NRG1: variants seen among roughly 807,000 people sequenced by gnomAD.
NRG1 encodes neuregulin 1.
NRG1 carries 18 observed loss-of-function variants against 63.8 expected under a neutral mutation model. The observed-to-expected ratio is 0.28, with a 90% CI of 0.19 to 0.42. The LOEUF (loss-of-function observed/expected upper bound fraction) is 0.42, where lower values mean the gene tolerates loss of function less well. NRG1 is among the 10% of genes least tolerant of loss of function. The pLI is 1.00. For missense variants in NRG1, 762 were observed against 814.7 expected (o/e 0.94, Z 0.79); for synonymous variants, 302 against 301.3 (o/e 1.00, Z -0.02).
intron 1 of NRG1, among the ~76,000 whole-genome samples, chr8:32,174,086 G>A (rs910274439): frequency 6.6e-6 from 1 of 152,068 alleles, no homozygotes; most frequent in Non-Finnish European, 1.5e-5. Flanking sequence ...CCACATAGTT[G>A]GAAGTAAAGC....
intron 1 of NRG1, among the ~76,000 whole-genome samples, chr8:31,784,590 C>T (rs1503491): frequency 0.23 from 35,092 of 152,082 alleles, 4,981 homozygotes; most frequent in East Asian, 0.66. Context: ...AAAACAATAA[C>T]GTAACAACAG....
chr8:31,931,846 G>C (rs1834891298), intron 1 of NRG1, among the ~76,000 whole-genome samples: 1 of 152,222 alleles, frequency 6.6e-6, no homozygotes, highest in East Asian at 1.9e-4. Context: ...AACAGCTGCG[G>C]TTCTTGCTGT....
chr8:32,066,580 G>A (rs1824858753), intron 1 of NRG1, among the ~76,000 whole-genome samples: 1 of 152,008 alleles, frequency 6.6e-6, no homozygotes, highest in South Asian at 2.1e-4. Context: ...ATGCTGTTTT[G>A]GTTACTGTAG....
intron 1 of NRG1, among the ~76,000 whole-genome samples, chr8:32,577,122 T>C (rs550692925): frequency 1.6e-4 from 25 of 152,330 alleles, no homozygotes; most frequent in African/African-American, 5.8e-4. Flanking sequence ...GGCCTCCAGC[T>C]GCATCCCTGT....
intron 1 of NRG1, among the ~76,000 whole-genome samples, chr8:32,276,174 A>G (rs62497578): frequency 0.2 from 30,726 of 151,998 alleles, 3,810 homozygotes; most frequent in East Asian, 0.58. Flanking sequence ...GTATCTATTA[A>G]CCAAACTCTT....
intron 1 of NRG1, among the ~76,000 whole-genome samples, chr8:32,012,419 G>T (rs1048089317): frequency 5.9e-5 from 9 of 152,020 alleles, no homozygotes; most frequent in African/African-American, 1.9e-4. Context: ...CCATGGAACT[G>T]CTGGCCATAA....
chr8:31,885,239 A>G (rs76778267), intron 1 of NRG1, among the ~76,000 whole-genome samples: 1,857 of 152,224 alleles, frequency 0.012, 46 homozygotes, highest in African/African-American at 0.043. Flanking sequence ...CTTTCAAACT[A>G]TTTTTGGATG....
intron 1 of NRG1, among the ~76,000 whole-genome samples, chr8:31,958,657 G>T (rs996083386): frequency 9.2e-5 from 14 of 152,190 alleles, no homozygotes; most frequent in African/African-American, 3.4e-4. Context: ...AGAAGTCTTT[G>T]CAGAAGAGGG....
At chr8:31,660,036 T>C (rs1805818326) in intron 1 of NRG1, among the ~76,000 whole-genome samples, 6 of 152,166 alleles carry the variant, frequency 3.9e-5, no homozygotes, top group Admixed American at 3.9e-4. Context: ...GACACACAGC[T>C]GAGTGGTGAA....
intron 1 of NRG1, among the ~76,000 whole-genome samples, chr8:32,130,165 GC>G (rs1834621935): frequency 6.6e-6 from 1 of 151,566 alleles, no homozygotes. Flanking sequence ...TTTTCTTCAG[GC>G]CTGTCATTTG....
intron 1 of NRG1, among the ~76,000 whole-genome samples, chr8:31,646,046 G>A (rs895775346): frequency 6.6e-6 from 1 of 152,134 alleles, no homozygotes; most frequent in Non-Finnish European, 1.5e-5. Context: ...TCAGCTGTCC[G>A]GGTCCAAGGA....
chr8:32,442,371 C>CT (rs1819661326), intron 1 of NRG1: 1 of 152,264 alleles, frequency 6.6e-6, no homozygotes, highest in Admixed American at 6.5e-5. Flanking sequence ...CCTGGCCCCT[C>CT]TGGCTCTTTG....
chr8:31,728,164 T>C (rs955616517), intron 1 of NRG1, among the ~76,000 whole-genome samples: 4 of 152,102 alleles, frequency 2.6e-5, no homozygotes, highest in Non-Finnish European at 4.4e-5. Flanking sequence ...ATGGGAAGAC[T>C]CCTATAGAAA....
chr8:32,551,010 C>G (rs1834001074), intron 1 of NRG1, among the ~76,000 whole-genome samples: 2 of 152,206 alleles, frequency 1.3e-5, no homozygotes, highest in Admixed American at 6.5e-5. Flanking sequence ...GAATGGTCAA[C>G]AACTTGAAAC....
At position 32,761,038 on chromosome 8, in the gene NRG1, G is replaced by A. The variant is rs1268266909; in HGVS notation, c.1259+632G>A. ...TTTTCAAAGCAGATACTGCCTTCAA[G>A]ATGGCCCTTTATTCCAGAATGTTTT... On this transcript the variant is annotated intron_variant, in intron 11 of 11. Transcript: ENST00000356819. 4.1e-6 allele frequency: 4 copies of A among 967,314 alleles called. No homozygotes were observed. In the African/African-American group the frequency reaches 7.0e-5, roughly 17 times the overall value. 59.9% of individuals were successfully genotyped at this position (967,314 alleles called of 1,614,324 possible).
chr8:32,529,642 AT>A (rs1329539531), intron 1 of NRG1, among the ~76,000 whole-genome samples: 1 of 152,094 alleles, frequency 6.6e-6, no homozygotes, highest in African/African-American at 2.4e-5. Context: ...CTTTTTAAAC[AT>A]TTTTGTTAAA....
intron 5 of NRG1, among the ~76,000 whole-genome samples, chr8:32,673,662 G>A (rs1299125604): frequency 6.6e-6 from 1 of 152,144 alleles, no homozygotes; most frequent in East Asian, 1.9e-4. Context: ...TCTAGAGATA[G>A]TAAGTCAGGC....
intron 1 of NRG1, among the ~76,000 whole-genome samples, chr8:32,103,920 TA>T (rs1830910101): frequency 1.3e-5 from 2 of 152,132 alleles, no homozygotes; most frequent in Non-Finnish European, 1.5e-5. Context: ...ATACCAGGCT[TA>T]CAGGGAGGAT....
intron 1 of NRG1, among the ~76,000 whole-genome samples, chr8:32,077,345 G>A (rs117699929): frequency 2.0e-5 from 3 of 152,150 alleles, no homozygotes; most frequent in Non-Finnish European, 4.4e-5. Context: ...CAGCCTGGGC[G>A]ACAAGAGCAA....
Sources: allele counts gnomAD v4.1 joint callset (sites outside exome capture counted in the v4.1 genomes callset), GRCh38; gene constraint gnomAD v4.1.1; transcripts MANE v1.5; gene names NCBI Gene and HGNC (gene_info 2026-07-23, HGNC 2026-07-21).